Variants in CDV3 observed in about 807,000 individuals in gnomAD.
The protein encoded by CDV3 is CDV3 homolog.
CDV3 carries 14 observed loss-of-function variants against 24.5 expected under a neutral mutation model. The observed-to-expected ratio is 0.57, with a 90% confidence interval of 0.38 to 0.89. CDV3 has a LOEUF of 0.89. Ranked by LOEUF, CDV3 falls within the 40% of genes least tolerant of loss-of-function variation. The probability of loss-of-function intolerance (pLI) is 0.00; values close to 1 mark genes in which losing one functional copy is unlikely to be tolerated. For synonymous variants in CDV3, 114 were observed against 114.1 expected, an observed-to-expected ratio of 1.00 and a Z score of 0.00; for missense variants, 304 against 310.2, an observed-to-expected ratio of 0.98 and a Z score of 0.15.
rs1461149460 is a variant in CDV3 at position 133,576,372 on chromosome 3, AAATAATGGGGAGGAGG to A, written c.317+1258_317+1273del. ...TTCTGTCTCCTGGGGCTTGACCTGT[AAATAATGGGGAGGAGG>A]GAATGTGAGGTTCTTACCATTTGGT... On this transcript the variant is annotated intron_variant, in intron 2 of 4. Coordinates refer to ENST00000264993, the MANE Select transcript of CDV3 (RefSeq NM_017548.5). Among the ~76,000 whole-genome samples, 172 of 152,274 alleles carry A rather than the reference AAATAATGGGGAGGAGG, an allele frequency of 1.1e-3. 4 individuals carry two copies. In the East Asian group the frequency reaches 0.031, roughly 27 times the overall value.
chr3:133,574,797 C>A, intron 1 of CDV3: 1 of 998,156 alleles, frequency 1.0e-6, no homozygotes, highest in Non-Finnish European at 1.3e-6. Flanking sequence ...TTCGGCTTTT[C>A]TTAGTTGCTT....
chr3:133,576,192 A>C (rs545638067), intron 2 of CDV3, among the ~76,000 whole-genome samples: 1 of 152,352 alleles, frequency 6.6e-6, no homozygotes, highest in Admixed American at 6.5e-5. Flanking sequence ...TTGTGAGCTT[A>C]ACCAAAGTGA....
chr3:133,574,388 C>T (rs1317744738), intron 1 of CDV3, 104 bp downstream of exon 1: 4 of 943,138 alleles, frequency 4.2e-6, no homozygotes, highest in African/African-American at 1.8e-5. Flanking sequence ...CCGCGGAGGC[C>T]GGGCGGACGG....
intron 4 of CDV3, chr3:133,587,282 G>A (rs1933708446): frequency 5.5e-6 from 7 of 1,272,098 alleles, no homozygotes; most frequent in Non-Finnish European, 7.0e-6. Context: ...GACATCAGAT[G>A]GAAATGTGTT....
rs1933329712 is a variant in CDV3 at position 133,584,004 on chromosome 3, G to C, written c.320G>C (p.Ser107Thr). The change falls in exon 3 of 5, where the codon AGT becomes ACT. Residue 107 changes from serine to threonine, a missense_variant and splice_region_variant. This residue lies in a region of CDV3 where 219 missense variants were observed against 203.6 expected (regional missense o/e 1.08). Coordinates refer to ENST00000264993, the MANE Select transcript of CDV3 (RefSeq NM_017548.5). ...AATTTACATCTTTGCTTTTCCAGCA[G>C]TGAAAAGGAAGAAGACGATAATGAA... ...GLRVQAMQISSEKEEDDNEKR... is the reference protein window; with the variant it reads ...GLRVQAMQISTEKEEDDNEKR... 1 of 1,593,726 alleles carries C rather than the reference G, an allele frequency of 6.3e-7. No individual in the cohort carries two copies. The highest frequency in any genetic ancestry group is 2.2e-5 in the East Asian group (1 of 44,748).
At chr3:133,579,499 A>G (rs1312299650) in intron 2 of CDV3, among the ~76,000 whole-genome samples, 1 of 152,118 alleles carries the variant, frequency 6.6e-6, no homozygotes, top group African/African-American at 2.4e-5. Context: ...TATGTAAATC[A>G]TTTCTACCCT....
chr3:133,587,202 A>G (rs1406979032), intron 4 of CDV3: 1 of 1,357,354 alleles, frequency 7.4e-7, no homozygotes, highest in Non-Finnish European at 9.7e-7. Flanking sequence ...ATGACTACAT[A>G]TGGCACATCT....
intron 3 of CDV3, among the ~76,000 whole-genome samples, chr3:133,584,512 G>A (rs998305272): frequency 6.6e-6 from 1 of 152,132 alleles, no homozygotes; most frequent in Middle Eastern, 3.2e-3. Flanking sequence ...TAGAATCCAA[G>A]GTCAGCTTCA....
chr3:133,574,380 G>C (rs1381170543), intron 1 of CDV3, 96 bp downstream of exon 1: 1 of 935,544 alleles, frequency 1.1e-6, no homozygotes, highest in Non-Finnish European at 1.3e-6. Context: ...GGGAGGGGCC[G>C]CGGAGGCCGG....
chr3:133,587,822 A>T (rs2107745863), intron 4 of CDV3, 74 bp from the exon 5 acceptor site: 2 of 1,514,058 alleles, frequency 1.3e-6, no homozygotes, highest in East Asian at 2.3e-5. Flanking sequence ...GCTTTTTTTT[A>T]AATTCAAGGA....
chr3:133,576,485 C>G (rs1483897253), intron 2 of CDV3, among the ~76,000 whole-genome samples: 1 of 152,146 alleles, frequency 6.6e-6, no homozygotes, highest in Non-Finnish European at 1.5e-5. Context: ...CTTTTCTTTC[C>G]TAAGTGACTG....
intron 3 of CDV3, among the ~76,000 whole-genome samples, chr3:133,584,966 T>C (rs538653507): frequency 7.7e-4 from 117 of 152,356 alleles, no homozygotes; most frequent in African/African-American, 2.8e-3. Context: ...AAGTGTATAC[T>C]CATTATTTTA....
intron 3 of CDV3, among the ~76,000 whole-genome samples, chr3:133,585,937 A>C (rs1048382846): frequency 1.3e-5 from 2 of 152,198 alleles, no homozygotes; most frequent in African/African-American, 4.8e-5. Flanking sequence ...TCCTATTCTG[A>C]GAGGCAGTCC....
In CDV3 at chr3:133,588,212, A is replaced by G. The variant is rs1160723645; in HGVS notation, c.*166A>G. ...GAAGTTAAAGTGTCACGACTGCTCT[A>G]TGCATATTGGATTTAGGGGAATTTT... On this transcript the variant is annotated 3_prime_UTR_variant, in exon 5 of 5. Coordinates refer to ENST00000264993, the MANE Select transcript of CDV3 (RefSeq NM_017548.5). 5.9e-6 allele frequency: 9 copies of G among 1,538,008 alleles called. No individual in the cohort carries two copies. In the East Asian group the frequency reaches 1.5e-4, roughly 25 times the overall value.
intron 2 of CDV3, among the ~76,000 whole-genome samples, chr3:133,578,688 G>T (rs574587761): frequency 1.5e-4 from 23 of 152,310 alleles, no homozygotes; most frequent in African/African-American, 4.8e-4. Flanking sequence ...AGCTGATCAG[G>T]CCATGTGTAT....
In CDV3 at chr3:133,575,266, C is replaced by T. The variant is rs188153206; in HGVS notation, c.317+151C>T. 23 of 540,634 alleles carry T rather than the reference C, an allele frequency of 4.3e-5. No homozygotes were observed. The East Asian group carries it at 7.1e-4, about 17-fold the overall frequency. 33.5% of individuals were successfully genotyped at this position (540,634 alleles called of 1,614,324 possible). A position where few individuals can be genotyped will look rare whatever the true frequency, so the allele number is the denominator to read the frequency against. ...CAAATGGGTTCTGTCTACTCTTTCT[C>T]ACTCCATGGAGGCAGCCCTTCCGTG... On this transcript the variant is annotated intron_variant, in intron 2 of 4. Transcript: ENST00000264993.
intron 1 of CDV3, 111 bp downstream of exon 1, chr3:133,574,395 A>G (rs1445357088): frequency 1.1e-6 from 1 of 950,166 alleles, no homozygotes; most frequent in Non-Finnish European, 1.3e-6. Context: ...GGCCGGGCGG[A>G]CGGGCGCGGG....
At chr3:133,578,619 G>A (rs2074905369) in intron 2 of CDV3, among the ~76,000 whole-genome samples, 1 of 152,202 alleles carries the variant, frequency 6.6e-6, no homozygotes, top group African/African-American at 2.4e-5. Context: ...TCCATGAAGG[G>A]GTCAGGAAAG....
rs2074832280 is a variant in CDV3 at position 133,576,854 on chromosome 3, T to TTTTTTTTTTTTTTG, written c.317+1749_317+1750insTTTGTTTTTTTTTT. ...AAGGTAGACTAGCTTTTTTTTTTTT[T>TTTTTTTTTTTTTTG]TTTTTTTTTTGAGACGAAGTTTCCC... On this transcript the variant is annotated intron_variant, in intron 2 of 4. Coordinates refer to ENST00000264993, the MANE Select transcript of CDV3 (RefSeq NM_017548.5). Among the ~76,000 whole-genome samples, 2 of 132,874 alleles carry TTTTTTTTTTTTTTG rather than the reference T, an allele frequency of 1.5e-5. 1 individual carries two copies. Among genetic ancestry groups the TTTTTTTTTTTTTTG allele is most frequent in the Non-Finnish European group, 3.2e-5 (2 of 62,058 alleles). 87.2% of individuals were successfully genotyped at this position (132,874 alleles called of 152,430 possible).
Sources: gnomAD v4.1 joint callset for allele counts (sites outside exome capture counted in the v4.1 genomes callset) on GRCh38, gnomAD v4.1.1 for gene constraint, gnomAD v4.1.1 regional missense constraint, MANE v1.5 for transcripts, NCBI Gene and HGNC (gene_info 2026-07-23, HGNC 2026-07-21) for gene names.